Variants in GFRA1 observed in about 807,000 individuals in gnomAD.
GFRA1 encodes GDNF family receptor alpha-1.
Under a neutral mutation model 51.6 loss-of-function variants are expected in GFRA1, and 16 were observed. That is an observed-to-expected ratio of 0.31 (90% confidence interval 0.21 to 0.47). GFRA1 has a LOEUF of 0.47. Ranked by LOEUF, GFRA1 falls within the 20% of genes least tolerant of loss-of-function variation. GFRA1 has a pLI of 1.00. For missense variants in GFRA1, 530 were observed against 594.3 expected (o/e 0.89, Z 1.13); for synonymous variants, 270 against 241.3 (o/e 1.12, Z -1.10).
intron 5 of GFRA1, among the ~76,000 whole-genome samples, chr10:116,136,671 G>A (rs1958338936): frequency 6.6e-6 from 1 of 152,156 alleles, no homozygotes; most frequent in Admixed American, 6.5e-5. Context: ...GTGCTGTGCT[G>A]AGTAGCTAGT....
intron 9 of GFRA1, among the ~76,000 whole-genome samples, chr10:116,079,565 G>C (rs1349735677): frequency 6.6e-6 from 1 of 152,118 alleles, no homozygotes; most frequent in Non-Finnish European, 1.5e-5. Context: ...GCCCCCTGGA[G>C]ACATTTGGCA....
rs1175586660 is a variant in GFRA1, at chr10:116,061,389, A to G, written c.*3009T>C. The stretch of plus-strand genomic sequence containing the variant: ...AAAAAAATCAGGTATGGAAAAATAA[A>G]TATGTAATTGGCATTCTCAATTCCT... On this transcript the variant is annotated 3_prime_UTR_variant, in exon 11 of 11. Transcript: ENST00000355422. The G allele has an allele frequency of 1.3e-5, 2 of 152,164 alleles. No homozygotes were observed. Among genetic ancestry groups the G allele is most frequent in the African/African-American group, 4.8e-5 (2 of 41,438 alleles). The allele number at this position is 152,164 out of a possible 1,614,324, so 9.4% of individuals were successfully genotyped here.
At position 116,062,184 on chromosome 10, in the gene GFRA1, G is replaced by A. The variant is rs1006878929; in HGVS notation, c.*2214C>T. ...GCTGCTGTTACTGCAGAAGTAATCA[G>A]TAGCTTTCTACAGTGGATCACATAG... On this transcript the variant is annotated 3_prime_UTR_variant, in exon 11 of 11. Transcript: ENST00000355422. The A allele has an allele frequency of 7.5e-6, 3 of 398,412 alleles. No individual in the cohort carries two copies. Among genetic ancestry groups the A allele is most frequent in the Non-Finnish European group, 1.3e-5 (3 of 226,014 alleles). 24.7% of individuals were successfully genotyped at this position (398,412 alleles called of 1,614,324 possible).
Position 116,062,157 on chromosome 10 carries a change from G to T in GFRA1, c.*2241C>A, listed in dbSNP as rs1214165432. 2.5e-6 allele frequency: 1 copy of T among 398,406 alleles called. No homozygotes were observed. The highest frequency in any genetic ancestry group is 2.1e-5 in the African/African-American group (1 of 48,634). 24.7% of individuals were successfully genotyped at this position (398,406 alleles called of 1,614,324 possible). On this transcript the variant is annotated 3_prime_UTR_variant, in exon 11 of 11. Coordinates refer to ENST00000355422, the MANE Select transcript of GFRA1 (RefSeq NM_005264.8). ...CGCTTTGGTCATCTGATGCTAATTAGAGCTGCTGTTACTGCAGAAGTAATC... is the reference window on the plus strand; with the variant it reads ...CGCTTTGGTCATCTGATGCTAATTATAGCTGCTGTTACTGCAGAAGTAATC...
At chr10:116,134,585 C>T (rs1398006324) in intron 5 of GFRA1, among the ~76,000 whole-genome samples, 1 of 152,186 alleles carries the variant, frequency 6.6e-6, no homozygotes, top group Non-Finnish European at 1.5e-5. Flanking sequence ...TTTTGTCATT[C>T]GTACACTGTT....
chr10:116,156,148 T>C (rs1452925343), intron 5 of GFRA1, among the ~76,000 whole-genome samples: 1 of 152,214 alleles, frequency 6.6e-6, no homozygotes, highest in Non-Finnish European at 1.5e-5. Flanking sequence ...GAGCCATCAC[T>C]TTCTGAACTC....
In GFRA1 at chr10:116,057,990, T is replaced by TTTTG. The variant is rs1555140472; in HGVS notation, c.*6407_*6408insCAAA. On this transcript the variant is annotated 3_prime_UTR_variant, in exon 11 of 11. Transcript: ENST00000355422. Reference sequence around the variant, plus strand: ...GCTGGATCATATAGCCCTCCAATCATTGTGTGTGTGTGTGTGTGTGTGTGT... The same window carrying TTTTG: ...GCTGGATCATATAGCCCTCCAATCATTTTGTGTGTGTGTGTGTGTGTGTGTGTGT... 5.1e-4 allele frequency: 66 copies of TTTTG among 129,106 alleles called. No homozygotes were observed. The highest frequency in any genetic ancestry group is 1.4e-3 in the African/African-American group (49 of 34,126). 8.0% of individuals were successfully genotyped at this position (129,106 alleles called of 1,614,324 possible).
At chr10:116,228,446 T>C (rs960919907) in intron 4 of GFRA1, among the ~76,000 whole-genome samples, 1 of 152,156 alleles carries the variant, frequency 6.6e-6, no homozygotes, top group Non-Finnish European at 1.5e-5. Flanking sequence ...AAGATGCCCA[T>C]GTTCTAATCC....
intron 4 of GFRA1, among the ~76,000 whole-genome samples, chr10:116,252,537 T>A (rs1565681487): frequency 1.3e-5 from 2 of 152,136 alleles, no homozygotes; most frequent in Non-Finnish European, 2.9e-5. Flanking sequence ...CAAACCAGGC[T>A]ATCAATGGTC....
intron 5 of GFRA1, among the ~76,000 whole-genome samples, chr10:116,128,266 G>T (rs1209582628): frequency 6.6e-6 from 1 of 152,298 alleles, no homozygotes; most frequent in South Asian, 2.1e-4. Flanking sequence ...ATTTATGTGT[G>T]TTGTTTTCAT....
At chr10:116,229,693 T>C (rs915727204) in intron 4 of GFRA1, among the ~76,000 whole-genome samples, 3 of 152,190 alleles carry the variant, frequency 2.0e-5, no homozygotes, top group South Asian at 4.1e-4. Context: ...GATGCTTCCA[T>C]GTGGACAGTC....
chr10:116,140,995 C>G (rs1321416626), intron 5 of GFRA1, among the ~76,000 whole-genome samples: 2 of 152,196 alleles, frequency 1.3e-5, no homozygotes, highest in Admixed American at 6.5e-5. Context: ...ACAGATCGAT[C>G]AAACAGAATG....
Position 116,252,505 on chromosome 10 carries a change from TG to T in GFRA1, c.418+16997del, listed in dbSNP as rs1565681463. On this transcript the variant is annotated intron_variant, in intron 4 of 10. Transcript: ENST00000355422. The stretch of plus-strand genomic sequence containing the variant: ...TATACAGCTGGCGCCTACTGCATGG[TG>T]GGGCTGCTTTGTCTTACAGGCAAAC... Among the ~76,000 whole-genome samples, 3 of 152,066 alleles carry T rather than the reference TG, an allele frequency of 2.0e-5. No homozygotes were observed. In the South Asian group the frequency reaches 6.2e-4, roughly 31 times the overall value.
intron 4 of GFRA1, among the ~76,000 whole-genome samples, chr10:116,218,422 TGAGAA>T (rs1216855285): frequency 6.6e-6 from 1 of 152,184 alleles, no homozygotes; most frequent in East Asian, 1.9e-4. Flanking sequence ...AGAATCTGCC[TGAGAA>T]AAGAGTTCCA....
intron 3 of GFRA1, 61 bp from the exon 4 acceptor site, chr10:116,269,647 G>A (rs1782696515): frequency 1.0e-6 from 1 of 990,840 alleles, no homozygotes; most frequent in Non-Finnish European, 1.6e-6. Context: ...GCAGGTTTTT[G>A]CTGCTGAATC....
At chr10:116,161,153 G>C (rs1049150552) in intron 5 of GFRA1, among the ~76,000 whole-genome samples, 9 of 152,186 alleles carry the variant, frequency 5.9e-5, no homozygotes, top group African/African-American at 2.2e-4. Flanking sequence ...GAGGGTGACT[G>C]GATAGACAGG....
chr10:116,272,383 G>T lies in GFRA1; in HGVS notation c.-246-108C>A. The T allele has an allele frequency of 2.4e-6, 1 of 410,152 alleles. No individual in the cohort carries two copies. Among genetic ancestry groups the T allele is most frequent in the Non-Finnish European group, 4.5e-6 (1 of 220,104 alleles). The allele number at this position is 410,152 out of a possible 1,614,324, so 25.4% of individuals were successfully genotyped here. On this transcript the variant is annotated intron_variant, in intron 1 of 10. Coordinates refer to ENST00000355422, the MANE Select transcript of GFRA1 (RefSeq NM_005264.8). This position sits in a 1 kb window ranked among gnomAD's most constrained non-coding sequence, Gnocchi z 4.4. ...CGCCTTTGGGGAATTTCCAACACCG[G>T]GGTGAGGACCCACCCCCACCCAGGT...
At chr10:116,269,417 TA>T (rs1177274847) in intron 4 of GFRA1, 85 bp downstream of exon 4, 7 of 806,110 alleles carry the variant, frequency 8.7e-6, no homozygotes, top group Non-Finnish European at 1.6e-5. Flanking sequence ...ACTATCTACT[TA>T]TATGCTCTTT....
At chr10:116,113,959 TC>T (rs1397787941) in intron 6 of GFRA1, among the ~76,000 whole-genome samples, 22 of 152,116 alleles carry the variant, frequency 1.4e-4, no homozygotes, top group African/African-American at 4.6e-4. Flanking sequence ...TACAACCATG[TC>T]CCCGGCTCTG....
Sources: gnomAD v4.1 joint callset for allele counts (sites outside exome capture counted in the v4.1 genomes callset) on GRCh38, gnomAD v4.1.1 for gene constraint, Gnocchi (gnomAD v3.1) non-coding constraint, MANE v1.5 for transcripts, NCBI Gene and HGNC (gene_info 2026-07-23, HGNC 2026-07-21) for gene names.